The following ETS1 variants were observed in gnomAD, a reference collection of about 807,000 sequenced individuals.
ETS1 encodes ETS proto-oncogene 1, transcription factor.
Under a neutral mutation model 58.6 loss-of-function variants are expected in ETS1, and 15 were observed. The ratio of observed to expected loss-of-function variants is 0.26; its 90% CI spans 0.17 to 0.39. The LOEUF (loss-of-function observed/expected upper bound fraction) is 0.39. Among genes scored for constraint, ETS1 ranks in the 10% least tolerant of loss-of-function variants. The pLI is 1.00. For missense variants in ETS1, 417 were observed against 610.5 expected (o/e 0.68, Z 3.34); for synonymous variants, 214 against 218.2 (o/e 0.98, Z 0.17).
At chr11:128,555,226 C>T (rs1321625934) in intron 3 of ETS1, among the ~76,000 whole-genome samples, 3 of 152,196 alleles carry the variant, frequency 2.0e-5, no homozygotes, top group African/African-American at 4.8e-5. Flanking sequence ...AGTGCCACAG[C>T]ATCTTGCCCT....
intron 3 of ETS1, among the ~76,000 whole-genome samples, chr11:128,520,416 T>A (rs1461649411): frequency 6.6e-6 from 1 of 152,206 alleles, no homozygotes; most frequent in Non-Finnish European, 1.5e-5. Context: ...TAACAACACA[T>A]ATAAACAAGC....
intron 8 of ETS1, among the ~76,000 whole-genome samples, chr11:128,469,373 C>T (rs1862123915): frequency 6.6e-6 from 1 of 152,198 alleles, no homozygotes; most frequent in South Asian, 2.1e-4. Context: ...CCCTTCCAGC[C>T]AGGTGTCTCT....
At chr11:128,477,702 A>C (rs1224365778) in intron 8 of ETS1, among the ~76,000 whole-genome samples, 3 of 152,226 alleles carry the variant, frequency 2.0e-5, no homozygotes, top group Admixed American at 1.3e-4. Flanking sequence ...CAACAATAGG[A>C]GAATCCAGTT....
intron 7 of ETS1, among the ~76,000 whole-genome samples, chr11:128,483,110 G>C (rs1862534862): frequency 6.6e-6 from 1 of 152,186 alleles, no homozygotes. Flanking sequence ...GCAGAAAACA[G>C]CCCTGCACAA....
At chr11:128,521,044 G>A (rs2135517238) in intron 3 of ETS1, among the ~76,000 whole-genome samples, 1 of 152,016 alleles carries the variant, frequency 6.6e-6, no homozygotes, top group East Asian at 1.9e-4. Context: ...CTAAAAGAAA[G>A]CATCTTTCCC....
At chr11:128,513,705 T>C (rs1863449055) in intron 3 of ETS1, among the ~76,000 whole-genome samples, 1 of 152,218 alleles carries the variant, frequency 6.6e-6, no homozygotes, top group Non-Finnish European at 1.5e-5. Flanking sequence ...GTCGGTTACA[T>C]GGAAACTCTT....
chr11:128,525,640 A>G (rs966827234), intron 3 of ETS1, among the ~76,000 whole-genome samples: 141 of 149,168 alleles, frequency 9.5e-4, no homozygotes, highest in Admixed American at 1.8e-3. Flanking sequence ...AAAAAAAAAA[A>G]AGCCCTCAAT....
intron 3 of ETS1, among the ~76,000 whole-genome samples, chr11:128,503,639 G>A (rs574261389): frequency 3.3e-5 from 5 of 152,194 alleles, no homozygotes; most frequent in African/African-American, 7.2e-5. Flanking sequence ...GACCTGGTAC[G>A]GTACTTCATT....
rs1053629710 is a variant in ETS1, at chr11:128,467,415, G to A, written c.1124-3788C>T. Among the ~76,000 whole-genome samples, 3 of 152,114 alleles carry A rather than the reference G, an allele frequency of 2.0e-5. No individual in the cohort carries two copies. The East Asian group carries it at 5.8e-4, about 29-fold the overall frequency. On this transcript the variant is annotated intron_variant, in intron 8 of 9. Coordinates refer to ENST00000392668, the MANE Select transcript of ETS1 (RefSeq NM_001143820.2). ...GAATGAGTCCAGCACTCCCAGTTAC[G>A]ACTCTTCTAGAGGGTGTTTCTGTGT...
chr11:128,581,596 T>G (rs1476762928), intron 1 of ETS1, among the ~76,000 whole-genome samples: 1 of 152,124 alleles, frequency 6.6e-6, no homozygotes, highest in Non-Finnish European at 1.5e-5. Context: ...TAATGTAGAG[T>G]ACTCTTTGCT....
At chr11:128,585,671 T>C (rs541617613) in intron 1 of ETS1, among the ~76,000 whole-genome samples, 1 of 152,348 alleles carries the variant, frequency 6.6e-6, no homozygotes, top group African/African-American at 2.4e-5. Context: ...TTGACCTCAC[T>C]GGCACTCTGA....
At chr11:128,578,882 G>T (rs1189599739) in intron 1 of ETS1, among the ~76,000 whole-genome samples, 1 of 152,024 alleles carries the variant, frequency 6.6e-6, no homozygotes, top group Admixed American at 6.5e-5. Context: ...TCTTATTATC[G>T]TATAATTAAT....
intron 2 of ETS1, among the ~76,000 whole-genome samples, chr11:128,566,565 C>T (rs557391889): frequency 3.2e-4 from 48 of 152,178 alleles, no homozygotes; most frequent in Middle Eastern, 3.4e-3. Flanking sequence ...GGGCAGATCA[C>T]GAGGTCAGGA....
chr11:128,480,509 A>T (rs1315146886), intron 7 of ETS1, 58 bp from the exon 8 acceptor site: 2 of 1,181,758 alleles, frequency 1.7e-6, no homozygotes, highest in East Asian at 4.7e-5. Context: ...GGGAAAAAAA[A>T]AAAACTGTAA....
intron 1 of ETS1, among the ~76,000 whole-genome samples, chr11:128,586,358 ACT>A (rs1416941451): frequency 1.3e-5 from 2 of 152,150 alleles, no homozygotes; most frequent in African/African-American, 2.4e-5. Context: ...GGTGAGCAAG[ACT>A]CTCAACAGCA....
rs1236650351 is a variant in ETS1 at position 128,463,672 on chromosome 11, A to C, written c.1124-45T>G. 4.7e-6 allele frequency: 5 copies of C among 1,058,990 alleles called. No individual in the cohort carries two copies. The highest frequency in any genetic ancestry group is 3.0e-6 in the Non-Finnish European group (2 of 675,890). 65.6% of individuals were successfully genotyped at this position (1,058,990 alleles called of 1,614,324 possible). On this transcript the variant is annotated intron_variant, in intron 8 of 9. Transcript: ENST00000392668. The surrounding 1 kb of genome is among the most constrained non-coding windows in gnomAD (Gnocchi z 4.1). ...TGAATCATTACACCAGATATTCAGC[A>C]CTCTACGCAGCTAATCCCCACACAC...
chr11:128,500,274 CAG>C (rs1347704470), intron 3 of ETS1, among the ~76,000 whole-genome samples: 2 of 152,162 alleles, frequency 1.3e-5, no homozygotes, highest in African/African-American at 4.8e-5. Flanking sequence ...AACAAAGAAA[CAG>C]AATGCAGAGT....
chr11:128,480,160 G>T, intron 8 of ETS1, 31 bp downstream of exon 8: 2 of 1,609,678 alleles, frequency 1.2e-6, no homozygotes, highest in Non-Finnish European at 1.7e-6. Context: ...CGTGCAGATG[G>T]AGTTGGCCTA....
At chr11:128,536,769 G>C (rs1037881475) in intron 3 of ETS1, 7 of 152,200 alleles carry the variant, frequency 4.6e-5, no homozygotes, top group African/African-American at 1.7e-4. Flanking sequence ...TTCAGGCTAA[G>C]CTGGCCTTGT....
Sources: gnomAD v4.1 joint callset for allele counts (sites outside exome capture counted in the v4.1 genomes callset) on GRCh38, gnomAD v4.1.1 for gene constraint, Gnocchi (gnomAD v3.1) non-coding constraint, MANE v1.5 for transcripts, NCBI Gene and HGNC (gene_info 2026-07-23, HGNC 2026-07-21) for gene names.